The following CLNS1A variants were observed in gnomAD, a reference collection of about 807,000 sequenced individuals.
The protein encoded by CLNS1A is chloride nucleotide-sensitive channel 1A.
Under a neutral mutation model 29.4 loss-of-function variants are expected in CLNS1A, and 16 were observed. The ratio of observed to expected loss-of-function variants is 0.54; its 90% CI spans 0.37 to 0.83. The LOEUF (loss-of-function observed/expected upper bound fraction) is 0.83. Ranked by LOEUF, CLNS1A falls within the 40% of genes least tolerant of loss-of-function variation. The pLI is 0.00. For missense variants in CLNS1A, 235 were observed against 287.4 expected, an observed-to-expected ratio of 0.82 and a Z score of 1.32; for synonymous variants, 96 against 104.8, an observed-to-expected ratio of 0.92 and a Z score of 0.51.
intron 1 of CLNS1A, among the ~76,000 whole-genome samples, chr11:77,630,847 T>A (rs532553716): frequency 6.6e-6 from 1 of 152,192 alleles, no homozygotes. Flanking sequence ...ATAGGGAATG[T>A]CTGCTACTGG....
In CLNS1A at chr11:77,625,709, A is replaced by G; in HGVS notation, c.364+8T>C. On this transcript the variant is annotated splice_region_variant and intron_variant, in intron 3 of 6. Transcript: ENST00000525428. The stretch of plus-strand genomic sequence containing the variant: ...AAAGGGGAAGAATCAATACTGTAGA[A>G]CACTCACACGCTGATTTATCACTAG... 2 of 1,607,314 alleles carry G rather than the reference A, an allele frequency of 1.2e-6. No homozygotes were observed. Among genetic ancestry groups the G allele is most frequent in the South Asian group, 2.2e-5 (2 of 89,112 alleles).
chr11:77,634,649 G>A (rs543557612), intron 1 of CLNS1A, among the ~76,000 whole-genome samples: 193 of 150,946 alleles, frequency 1.3e-3, no homozygotes, highest in Non-Finnish European at 2.1e-3. Context: ...GCTTAAACCC[G>A]GGAGGCGGAG....
chr11:77,635,203 T>C (rs925860233), intron 1 of CLNS1A, among the ~76,000 whole-genome samples: 12 of 152,058 alleles, frequency 7.9e-5, no homozygotes, highest in Non-Finnish European at 4.4e-5. Context: ...CCTGTTCTTC[T>C]GAACAGGAAG....
intron 5 of CLNS1A, among the ~76,000 whole-genome samples, chr11:77,619,937 CTATG>C (rs1427958093): frequency 6.6e-6 from 1 of 152,190 alleles, no homozygotes; most frequent in South Asian, 2.1e-4. Context: ...TAAAATAACT[CTATG>C]TAGGAACTTT....
At position 77,615,144 on chromosome 11, in the gene CLNS1A, A is replaced by G. The variant is rs1056622060; in HGVS notation, c.*1574T>C. On this transcript the variant is annotated 3_prime_UTR_variant, in exon 7 of 7. Transcript: ENST00000525428. ...TTTATGTTCATGGAAAGTCACAATTATAAATTTGTTCCTTTTAAAAGGAAC... is the reference window on the plus strand; with the variant it reads ...TTTATGTTCATGGAAAGTCACAATTGTAAATTTGTTCCTTTTAAAAGGAAC... The G allele has an allele frequency of 6.6e-6, 1 of 152,218 alleles. No individual in the cohort carries two copies. 9.4% of individuals were successfully genotyped at this position (152,218 alleles called of 1,614,324 possible).
At chr11:77,622,096 C>A (rs992921529) in intron 5 of CLNS1A, 3 of 456,520 alleles carry the variant, frequency 6.6e-6, no homozygotes, top group African/African-American at 2.0e-5. Context: ...TCGTGGACTT[C>A]TAGCCTCCAA....
intron 2 of CLNS1A, among the ~76,000 whole-genome samples, chr11:77,627,891 T>C (rs1452455825): frequency 6.6e-6 from 1 of 152,126 alleles, no homozygotes; most frequent in African/African-American, 2.4e-5. Flanking sequence ...AGTGGCGCGA[T>C]CTCAGCTCAC....
Position 77,637,255 on chromosome 11 carries a change from A to AAAAAAAAAG in CLNS1A, c.125+334_125+335insCTTTTTTTT, listed in dbSNP as rs1219976827. Among the ~76,000 whole-genome samples, 367 of 145,774 alleles carry AAAAAAAAAG rather than the reference A, an allele frequency of 2.5e-3. 15 individuals are homozygous for AAAAAAAAAG. The highest frequency in any genetic ancestry group is 8.8e-3 in the African/African-American group (340 of 38,708). ...TAAATAGGCGAGTTAAAAAAAAAAA[A>AAAAAAAAAG]AAAAGAAAATAAAAGAAAGAAAGAA... On this transcript the variant is annotated intron_variant, in intron 1 of 6. Transcript: ENST00000525428.
intron 1 of CLNS1A, among the ~76,000 whole-genome samples, chr11:77,631,325 T>TA (rs1420909517): frequency 7.7e-6 from 1 of 129,758 alleles, no homozygotes; most frequent in Admixed American, 7.6e-5. Context: ...AATTGTATAC[T>TA]TTTTTTTTTT....
At chr11:77,627,278 A>C in intron 2 of CLNS1A, among the ~76,000 whole-genome samples, 1 of 146,920 alleles carries the variant, frequency 6.8e-6, no homozygotes, top group Non-Finnish European at 1.5e-5. Context: ...CTAAAATACA[A>C]AAAAAAAAAA....
chr11:77,637,574 G>A lies in CLNS1A; in HGVS notation c.125+16C>T. On this transcript the variant is annotated intron_variant, in intron 1 of 6. Transcript: ENST00000525428. ...GCGGCGCGCAGGAGGCCAGCGCTGG[G>A]GACCAGGAACCCTACCTCTCAGCGA... The A allele has an allele frequency of 1.9e-6, 3 of 1,594,998 alleles. No individual in the cohort carries two copies. Among genetic ancestry groups the A allele is most frequent in the Non-Finnish European group, 2.6e-6 (3 of 1,171,338 alleles).
At chr11:77,629,044 A>G (rs918456242) in intron 2 of CLNS1A, among the ~76,000 whole-genome samples, 1 of 152,154 alleles carries the variant, frequency 6.6e-6, no homozygotes, top group Non-Finnish European at 1.5e-5. Context: ...GCCCATGGAA[A>G]ATATATCCCC....
rs1958902340 is a variant in CLNS1A, at chr11:77,615,919, TA to T, written c.*798del. 6.6e-6 allele frequency: 1 copy of T among 152,196 alleles called. No homozygotes were observed. The highest frequency in any genetic ancestry group is 6.5e-5 in the Admixed American group (1 of 15,276). The allele number at this position is 152,196 out of a possible 1,614,324, so 9.4% of individuals were successfully genotyped here. On this transcript the variant is annotated 3_prime_UTR_variant, in exon 7 of 7. Transcript: ENST00000525428. Reference sequence around the variant, plus strand: ...AAACTAAAAATTGAGAGTTGATAAATATAAGAAATTACTGCTGATCTAAAAG... The same window carrying T: ...AAACTAAAAATTGAGAGTTGATAAATTAAGAAATTACTGCTGATCTAAAAG...
intron 6 of CLNS1A, among the ~76,000 whole-genome samples, chr11:77,618,226 A>G (rs1396263182): frequency 1.3e-5 from 2 of 152,244 alleles, no homozygotes; most frequent in Non-Finnish European, 2.9e-5. Flanking sequence ...CTGTTTTCTA[A>G]TTGCAATAAA....
At chr11:77,629,179 A>G (rs1959049759) in intron 2 of CLNS1A, among the ~76,000 whole-genome samples, 1 of 152,220 alleles carries the variant, frequency 6.6e-6, no homozygotes, top group Non-Finnish European at 1.5e-5. Context: ...GGCAGAATAA[A>G]CAGTGAAACT....
intron 5 of CLNS1A, among the ~76,000 whole-genome samples, chr11:77,621,136 A>T (rs1381110367): frequency 6.6e-6 from 1 of 152,102 alleles, no homozygotes; most frequent in Non-Finnish European, 1.5e-5. Flanking sequence ...GTCTCTACAA[A>T]AATACAAAAA....
intron 1 of CLNS1A, among the ~76,000 whole-genome samples, chr11:77,636,397 A>C (rs993956537): frequency 6.6e-6 from 1 of 152,082 alleles, no homozygotes; most frequent in Non-Finnish European, 1.5e-5. Flanking sequence ...ACTACTCCAC[A>C]CATGTCCTGA....
Position 77,616,054 on chromosome 11 carries a change from TA to T in CLNS1A, c.*663del, listed in dbSNP as rs1958903388. On this transcript the variant is annotated 3_prime_UTR_variant, in exon 7 of 7. Transcript: ENST00000525428. The stretch of plus-strand genomic sequence containing the variant: ...ATTTCATGTTCATCTTCTCAACAAG[TA>T]AACAAAAATAAAGCCAACAAAATTC... 1 of 152,086 alleles carries T rather than the reference TA, an allele frequency of 6.6e-6. No individual in the cohort carries two copies. Among genetic ancestry groups the T allele is most frequent in the East Asian group, 1.9e-4 (1 of 5,200 alleles). 9.4% of individuals were successfully genotyped at this position (152,086 alleles called of 1,614,324 possible).
In CLNS1A at chr11:77,629,919, T is replaced by C; in HGVS notation, c.126-20A>G. 1 of 1,612,646 alleles carries C rather than the reference T, an allele frequency of 6.2e-7. No homozygotes were observed. Among genetic ancestry groups the C allele is most frequent in the Non-Finnish European group, 8.5e-7 (1 of 1,178,936 alleles). On this transcript the variant is annotated intron_variant, in intron 1 of 6. Coordinates refer to ENST00000525428, the MANE Select transcript of CLNS1A (RefSeq NM_001293.3). ...AGGCGGCTGAAAAACATGTTTTAAG[T>C]AGATTATTTTTAGAAAGTAAATCCT... is the stretch of plus-strand genomic sequence containing the variant.
Sources: gnomAD v4.1 joint callset for allele counts (sites outside exome capture counted in the v4.1 genomes callset) on GRCh38, gnomAD v4.1.1 for gene constraint, MANE v1.5 for transcripts, NCBI Gene and HGNC (gene_info 2026-07-23, HGNC 2026-07-21) for gene names.